CPNE1: variants seen among roughly 807,000 people sequenced by gnomAD.
CPNE1 encodes the protein copine 1, also known as copine-1.
A neutral mutation model predicts 63.2 loss-of-function variants in CPNE1; 58 were observed. That is an observed-to-expected ratio of 0.92 (90% CI 0.74 to 1.14). The LOEUF (loss-of-function observed/expected upper bound fraction) is 1.14, where lower values mean the gene tolerates loss of function less well. Ranked by LOEUF, CPNE1 falls within the 50% of genes most tolerant of loss-of-function variation. CPNE1 has a pLI of 0.00. For synonymous variants in CPNE1, 237 were observed against 249.0 expected, an observed-to-expected ratio of 0.95 and a Z score of 0.45; for missense variants, 672 against 661.7, an observed-to-expected ratio of 1.02 and a Z score of -0.17.
chr20:35,632,002 T>C lies in CPNE1; in HGVS notation c.480A>G (p.Pro160=), dbSNP rs574468025. ...DKKDFLGKSD[P]FLEFFRQGDG... ...CACCCTGGCGGAAGAACTCCAGAAATGGATCTGATTTTCCCAGGAAGTCCT... is the reference window on the plus strand; with the variant it reads ...CACCCTGGCGGAAGAACTCCAGAAACGGATCTGATTTTCCCAGGAAGTCCT... The change falls in exon 6 of 16, where the codon CCA becomes CCG. Residue 160 remains proline, a synonymous_variant. Coordinates refer to ENST00000397443, the MANE Select transcript of CPNE1 (RefSeq NM_152925.3). 5.3e-5 allele frequency: 85 copies of C among 1,613,918 alleles called. No individual in the cohort carries two copies. The South Asian group carries it at 8.0e-4, about 15-fold the overall frequency.
intron 1 of CPNE1, among the ~76,000 whole-genome samples, chr20:35,659,792 G>T (rs2034127672): frequency 1.3e-5 from 2 of 152,098 alleles, no homozygotes; most frequent in African/African-American, 4.8e-5. Flanking sequence ...TTATTAACAA[G>T]TCACAAGCAT....
chr20:35,648,038 C>A (rs1157807042), intron 1 of CPNE1, among the ~76,000 whole-genome samples: 2 of 150,524 alleles, frequency 1.3e-5, no homozygotes, highest in Non-Finnish European at 2.9e-5. Context: ...GCACTCCAGC[C>A]TGGGCAACAG....
At chr20:35,657,617 T>C (rs115659035) in intron 1 of CPNE1, among the ~76,000 whole-genome samples, 186 of 152,340 alleles carry the variant, frequency 1.2e-3, no homozygotes, top group African/African-American at 4.0e-3. Context: ...TACTGAAAGT[T>C]TGTACAAGGT....
chr20:35,646,766 A>C (rs2033128448), intron 1 of CPNE1, among the ~76,000 whole-genome samples: 1 of 152,200 alleles, frequency 6.6e-6, no homozygotes, highest in African/African-American at 2.4e-5. Flanking sequence ...AATACACTCA[A>C]CACCTTTGAC....
At chr20:35,647,314 C>CAAAAAAAAAA (rs66756734) in intron 1 of CPNE1, 1 of 88,174 alleles carries the variant, frequency 1.1e-5, no homozygotes, top group Admixed American at 1.2e-4. Context: ...GACTTTGTCT[C>CAAAAAAAAAA]AAAAAAAAAA....
At chr20:35,640,758 C>T (rs6058288) in intron 1 of CPNE1, among the ~76,000 whole-genome samples, 38,413 of 152,012 alleles carry the variant, frequency 0.25, 5,610 homozygotes, top group African/African-American at 0.41. Context: ...AGGTGCTCTA[C>T]TGATATCTGT....
chr20:35,630,721 C>A lies in CPNE1; in HGVS notation c.1050+20G>T, dbSNP rs766509318. On this transcript the variant is annotated intron_variant, in intron 12 of 15. Transcript: ENST00000397443. ...ACCCTGAAACTGAAAACAGGAGTGG[C>A]AGAAAGAGAGGGAGCTCACCTGCCA... 4 of 1,613,352 alleles carry A rather than the reference C, an allele frequency of 2.5e-6. No homozygotes were observed. The highest frequency in any genetic ancestry group is 3.4e-6 in the Non-Finnish European group (4 of 1,179,354).
intron 1 of CPNE1, among the ~76,000 whole-genome samples, chr20:35,639,954 C>T (rs866240520): frequency 2.0e-5 from 3 of 152,146 alleles, no homozygotes; most frequent in Admixed American, 6.5e-5. Context: ...AGAATCAAAC[C>T]CCAGCCATAC....
chr20:35,627,707 T>C (rs2031852830), intron 13 of CPNE1, among the ~76,000 whole-genome samples: 1 of 152,098 alleles, frequency 6.6e-6, no homozygotes, highest in African/African-American at 2.4e-5. Flanking sequence ...TAATGATCCA[T>C]TTGATACAAT....
chr20:35,627,187 CAAAA>C (rs746796889), intron 14 of CPNE1, 89 bp downstream of exon 14: 1,644 of 533,964 alleles, frequency 3.1e-3, no homozygotes, highest in East Asian at 4.7e-3. Flanking sequence ...GAGTCCATCT[CAAAA>C]AAAAAAAAAA....
chr20:35,651,941 GACAA>G (rs979633883), intron 1 of CPNE1: 7 of 152,606 alleles, frequency 4.6e-5, no homozygotes, highest in Non-Finnish European at 8.8e-5. Context: ...GAGTCAATTA[GACAA>G]ACAAAGCAGC....
chr20:35,652,483 A>G (rs1376762691), intron 1 of CPNE1: 4 of 1,561,162 alleles, frequency 2.6e-6, no homozygotes, highest in South Asian at 2.4e-5. Context: ...CATTAATCAC[A>G]GCAATATGAA....
At chr20:35,641,999 T>A (rs2032840385) in intron 1 of CPNE1, among the ~76,000 whole-genome samples, 1 of 152,204 alleles carries the variant, frequency 6.6e-6, no homozygotes, top group African/African-American at 2.4e-5. Flanking sequence ...ATTGGGCAAC[T>A]GCAAAAAGTC....
At chr20:35,633,299 T>A (rs755978710) in intron 1 of CPNE1, among the ~76,000 whole-genome samples, 1 of 152,220 alleles carries the variant, frequency 6.6e-6, no homozygotes, top group Non-Finnish European at 1.5e-5. Context: ...ACCCCCTTAC[T>A]GGCCCCAGGC....
chr20:35,644,725 C>T (rs1375235479), intron 1 of CPNE1, among the ~76,000 whole-genome samples: 1 of 152,230 alleles, frequency 6.6e-6, no homozygotes, highest in Non-Finnish European at 1.5e-5. Context: ...GCCACTACAA[C>T]AGCAGTGAGA....
At chr20:35,633,111 G>C (rs1325791786) in intron 1 of CPNE1, among the ~76,000 whole-genome samples, 188 bp from the exon 2 acceptor site, 1 of 152,102 alleles carries the variant, frequency 6.6e-6, no homozygotes, top group African/African-American at 2.4e-5. Context: ...GAGCTCACTG[G>C]CACAGAAGAT....
chr20:35,654,047 G>A (rs1369956688), intron 1 of CPNE1: 13 of 1,614,066 alleles, frequency 8.1e-6, no homozygotes, highest in Non-Finnish European at 1.0e-5. Flanking sequence ...CCAGCCTCAT[G>A]TGGTGATCTT....
chr20:35,639,692 A>C lies in CPNE1; in HGVS notation c.1-6769T>G, dbSNP rs966309140. On this transcript the variant is annotated intron_variant, in intron 1 of 15. Coordinates refer to ENST00000397443, the MANE Select transcript of CPNE1 (RefSeq NM_152925.3). ...CTCCCCCTGGTAAGAGGTTGTTGTG[A>C]ATGACAAAAGCATTAGCAGTGATTA... Among the ~76,000 whole-genome samples, 5 of 152,308 alleles carry C rather than the reference A, an allele frequency of 3.3e-5. No homozygotes were observed. In the South Asian group the frequency reaches 6.2e-4, roughly 19 times the overall value.
chr20:35,627,593 G>T, intron 13 of CPNE1, 180 bp from the exon 14 acceptor site: 1 of 563,466 alleles, frequency 1.8e-6, no homozygotes, highest in Non-Finnish European at 3.0e-6. Flanking sequence ...TTCAAAGAGA[G>T]GAGGGGACTT....
Sources: allele counts gnomAD v4.1 joint callset (sites outside exome capture counted in the v4.1 genomes callset), GRCh38; gene constraint gnomAD v4.1.1; transcripts MANE v1.5; gene names NCBI Gene and HGNC (gene_info 2026-07-23, HGNC 2026-07-21).